PHTF1: variants seen among roughly 807,000 people sequenced by gnomAD.
PHTF1 encodes the protein putative homeodomain transcription factor 1.
In PHTF1, 88 loss-of-function variants were observed where a neutral mutation model predicts 102.4. The observed-to-expected ratio is 0.86, with a 90% CI of 0.72 to 1.03. The LOEUF (loss-of-function observed/expected upper bound fraction) is 1.03. PHTF1 is among the 50% of genes least tolerant of loss of function. The probability of loss-of-function intolerance (pLI) is 0.00; values close to 1 mark genes in which losing one functional copy is unlikely to be tolerated. For synonymous variants in PHTF1, 289 were observed against 305.2 expected, an observed-to-expected ratio of 0.95 and a Z score of 0.55; for missense variants, 814 against 909.5, an observed-to-expected ratio of 0.89 and a Z score of 1.35.
In PHTF1 at chr1:113,711,733, A is replaced by C; in HGVS notation, c.1047+13T>G. On this transcript the variant is annotated intron_variant, in intron 10 of 18. Transcript: ENST00000369604. The stretch of plus-strand genomic sequence containing the variant: ...TCAAAAATATACCTTGATTTCTCAA[A>C]GGGATACTTTACCTGGCTGAAGGCT... 1.9e-6 allele frequency: 3 copies of C among 1,593,234 alleles called. No individual in the cohort carries two copies. The highest frequency in any genetic ancestry group is 2.6e-6 in the Non-Finnish European group (3 of 1,161,474).
intron 7 of PHTF1, among the ~76,000 whole-genome samples, chr1:113,715,648 C>CAAAAAAAACAA (rs1651874498): frequency 4.0e-5 from 1 of 24,960 alleles, no homozygotes; most frequent in Non-Finnish European, 7.9e-5. Flanking sequence ...AACCCTGTCT[C>CAAAAAAAACAA]AAAAAAAAAA....
chr1:113,747,047 C>T (rs1255462801), intron 3 of PHTF1: 2 of 152,250 alleles, frequency 1.3e-5, no homozygotes, highest in African/African-American at 4.8e-5. Flanking sequence ...GCACATACCT[C>T]ATAAGATTAT....
chr1:113,739,367 A>G (rs1326575475), intron 3 of PHTF1, among the ~76,000 whole-genome samples: 2 of 152,190 alleles, frequency 1.3e-5, no homozygotes, highest in African/African-American at 4.8e-5. Context: ...AATACGTGAA[A>G]AACAACAGTC....
In PHTF1 at chr1:113,697,272, GA is replaced by G. The variant is rs1441305164; in HGVS notation, c.*432del. The G allele has an allele frequency of 5.2e-5, 8 of 153,794 alleles. No homozygotes were observed. The highest frequency in any genetic ancestry group is 1.7e-4 in the African/African-American group (7 of 41,452). 9.5% of individuals were successfully genotyped at this position (153,794 alleles called of 1,614,324 possible). A position where few individuals can be genotyped will look rare whatever the true frequency, so the allele number is the denominator to read the frequency against. Reference sequence around the variant, plus strand: ...GTTCGCTTGATCTCTCTTTGATAGAGAAATGAAATCTCCAGTTCTATAGACT... The same window carrying G: ...GTTCGCTTGATCTCTCTTTGATAGAGAATGAAATCTCCAGTTCTATAGACT... On this transcript the variant is annotated 3_prime_UTR_variant, in exon 19 of 19. Transcript: ENST00000369604.
At chr1:113,723,331 C>T (rs1008616227) in intron 7 of PHTF1, among the ~76,000 whole-genome samples, 14 of 152,192 alleles carry the variant, frequency 9.2e-5, no homozygotes, top group Non-Finnish European at 1.6e-4. Flanking sequence ...GTGCCCACCA[C>T]CACGCCCGGA....
At chr1:113,703,116 T>C (rs1057322758) in intron 15 of PHTF1, among the ~76,000 whole-genome samples, 1 of 152,164 alleles carries the variant, frequency 6.6e-6, no homozygotes, top group Non-Finnish European at 1.5e-5. Flanking sequence ...CCTCCACCAA[T>C]GGCTGACAGA....
At chr1:113,718,728 T>C (rs1042055998) in intron 7 of PHTF1, among the ~76,000 whole-genome samples, 1 of 152,232 alleles carries the variant, frequency 6.6e-6, no homozygotes, top group African/African-American at 2.4e-5. Flanking sequence ...GAGCTGTACA[T>C]TGGCCCCTTT....
At chr1:113,724,306 GGC>G (rs1653478919) in intron 7 of PHTF1, among the ~76,000 whole-genome samples, 3 of 152,072 alleles carry the variant, frequency 2.0e-5, no homozygotes, top group Non-Finnish European at 2.9e-5. Flanking sequence ...CAGGTGTGAT[GGC>G]TCATGCCTGA....
chr1:113,731,196 T>C lies in PHTF1; in HGVS notation c.332-4622A>G, dbSNP rs139361802. Among the ~76,000 whole-genome samples, 432 of 152,108 alleles carry C rather than the reference T, an allele frequency of 2.8e-3. 1 individual carries two copies. The highest frequency in any genetic ancestry group is 4.8e-3 in the Non-Finnish European group (329 of 67,998). On this transcript the variant is annotated intron_variant, in intron 5 of 18. Transcript: ENST00000369604. ...GTATATGTTACCACAATAAAAAAAA[T>C]TGAATTTAACAAGATCTAAGCAGGC...
chr1:113,746,958 C>A (rs1353231833), intron 3 of PHTF1: 1 of 217,168 alleles, frequency 4.6e-6, no homozygotes, highest in African/African-American at 2.3e-5. Flanking sequence ...TCATTTCTTA[C>A]TGTTGAAGAT....
chr1:113,699,475 C>T lies in PHTF1; in HGVS notation c.2142+229G>A, dbSNP rs1418564446. On this transcript the variant is annotated intron_variant, in intron 17 of 18. Coordinates refer to ENST00000369604, the MANE Select transcript of PHTF1 (RefSeq NM_001323043.2). The stretch of plus-strand genomic sequence containing the variant: ...TCATGTCCTTGACCAGATGGCCCAA[C>T]TTGGTGATGGGGAGCCACTCTTTGT... 31 of 643,366 alleles carry T rather than the reference C, an allele frequency of 4.8e-5. No homozygotes were observed. The Admixed American group carries it at 5.4e-4, about 11-fold the overall frequency. 39.9% of individuals were successfully genotyped at this position (643,366 alleles called of 1,614,324 possible). A position where few individuals can be genotyped will look rare whatever the true frequency, so the allele number is the denominator to read the frequency against.
intron 3 of PHTF1, among the ~76,000 whole-genome samples, chr1:113,742,248 T>C (rs891803268): frequency 6.6e-6 from 1 of 152,222 alleles, no homozygotes; most frequent in African/African-American, 2.4e-5. Flanking sequence ...CTGCCCAGCA[T>C]ATTACTATGC....
At chr1:113,722,480 T>C (rs1158687113) in intron 7 of PHTF1, among the ~76,000 whole-genome samples, 6 of 152,136 alleles carry the variant, frequency 3.9e-5, no homozygotes, top group Non-Finnish European at 5.9e-5. Context: ...TATGGAAAGA[T>C]ATTCCATAGT....
intron 3 of PHTF1, among the ~76,000 whole-genome samples, chr1:113,748,193 G>A (rs1657511749): frequency 1.3e-5 from 2 of 152,028 alleles, no homozygotes. Context: ...TGCCCAGGCT[G>A]GTCTCAAACT....
intron 7 of PHTF1, among the ~76,000 whole-genome samples, chr1:113,716,935 T>TGTGTAAACGACTCATATCTGTC (rs1557925412): frequency 1.3e-5 from 2 of 151,978 alleles, no homozygotes; most frequent in African/African-American, 4.8e-5. Flanking sequence ...CTGTAATTGT[T>TGTGTAAACGACTCATATCTGTC]ATGTGTAAAC....
chr1:113,741,700 A>T (rs985760459), intron 3 of PHTF1, among the ~76,000 whole-genome samples: 3 of 152,180 alleles, frequency 2.0e-5, no homozygotes, highest in Admixed American at 2.0e-4. Flanking sequence ...TTCGACAAGT[A>T]TCTTCTATAT....
chr1:113,698,183 A>G, intron 18 of PHTF1, 79 bp downstream of exon 18: 1 of 693,418 alleles, frequency 1.4e-6, no homozygotes, highest in Non-Finnish European at 2.3e-6. Context: ...ACACACACAC[A>G]CACACGTGTG....
At chr1:113,718,212 T>A (rs1652372506) in intron 7 of PHTF1, among the ~76,000 whole-genome samples, 1 of 152,202 alleles carries the variant, frequency 6.6e-6, no homozygotes, top group Admixed American at 6.5e-5. Context: ...TGAAATCCAG[T>A]GGGGGAGTCA....
Position 113,700,786 on chromosome 1 carries a change from A to T in PHTF1, c.2046+8T>A, listed in dbSNP as rs1157091471. On this transcript the variant is annotated splice_region_variant and intron_variant, in intron 16 of 18. Transcript: ENST00000369604. ...CCACTAAACCCAATTGACAGGACTGATCAATACCTGTTCTGTAAGTAATAT... is the reference window on the plus strand; with the variant it reads ...CCACTAAACCCAATTGACAGGACTGTTCAATACCTGTTCTGTAAGTAATAT... The T allele has an allele frequency of 7.4e-6, 12 of 1,612,242 alleles. No homozygotes were observed. The highest frequency in any genetic ancestry group is 9.3e-6 in the Non-Finnish European group (11 of 1,178,584).
Sources: allele counts gnomAD v4.1 joint callset (sites outside exome capture counted in the v4.1 genomes callset), GRCh38; gene constraint gnomAD v4.1.1; transcripts MANE v1.5; gene names NCBI Gene and HGNC (gene_info 2026-07-23, HGNC 2026-07-21).